Variants in CLTCL1 observed in about 807,000 individuals in gnomAD.
CLTCL1 encodes the protein clathrin heavy chain like 1.
A neutral mutation model predicts 190.0 loss-of-function variants in CLTCL1; 159 were observed. The observed-to-expected ratio is 0.84, with a 90% CI of 0.74 to 0.95. CLTCL1 has a LOEUF of 0.95. CLTCL1 is among the 40% of genes least tolerant of loss of function. CLTCL1 has a pLI of 0.00. For missense variants in CLTCL1, 1,878 were observed against 2,033.4 expected (o/e 0.92, Z 1.47); for synonymous variants, 752 against 769.6 (o/e 0.98, Z 0.38).
chr22:19,290,472 A>G (rs1013869193), intron 1 of CLTCL1, among the ~76,000 whole-genome samples: 3 of 152,316 alleles, frequency 2.0e-5, no homozygotes, highest in African/African-American at 7.2e-5. Flanking sequence ...TGCTACCTCA[A>G]CATGACTGGT....
At chr22:19,283,344 A>G (rs782665122) in intron 1 of CLTCL1, among the ~76,000 whole-genome samples, 2 of 151,342 alleles carry the variant, frequency 1.3e-5, no homozygotes, top group Non-Finnish European at 2.9e-5. Flanking sequence ...GCAGTGGTGC[A>G]ATCTTGGCTT....
intron 1 of CLTCL1, among the ~76,000 whole-genome samples, chr22:19,286,469 A>G (rs2087910514): frequency 6.6e-6 from 1 of 152,214 alleles, no homozygotes; most frequent in Admixed American, 6.5e-5. Context: ...TTAGGATGCA[A>G]TGAGCCAACT....
Position 19,212,039 on chromosome 22 carries a change from C to T in CLTCL1, c.3066-1530G>A, listed in dbSNP as rs545646792. Among the ~76,000 whole-genome samples the T allele has an allele frequency of 5.3e-5, 8 of 151,960 alleles. No individual in the cohort carries two copies. In the South Asian group the frequency reaches 1.7e-3, roughly 32 times the overall value. On this transcript the variant is annotated intron_variant, in intron 19 of 32. Transcript: ENST00000427926. ...ATAAAATCTACATATGACCTATATG[C>T]CAAAAACTATAAACTGCTGATGAAA...
chr22:19,215,590 C>A (rs1555949036), intron 19 of CLTCL1, among the ~76,000 whole-genome samples: 1 of 152,194 alleles, frequency 6.6e-6, no homozygotes, highest in East Asian at 1.9e-4. Context: ...GCACTCTCAC[C>A]TCTATAGTGC....
intron 1 of CLTCL1, 130 bp downstream of exon 1, chr22:19,291,470 G>A (rs1664927253): frequency 1.2e-6 from 1 of 862,080 alleles, no homozygotes; most frequent in Non-Finnish European, 1.5e-6. Flanking sequence ...CAGCCCAGGT[G>A]GGAGGTCGGA....
chr22:19,257,932 G>A lies in CLTCL1; in HGVS notation c.251-3705C>T, dbSNP rs569558169. 2.5e-4 allele frequency: 276 copies of A among 1,112,276 alleles called. 2 individuals carry two copies. The South Asian group carries it at 3.1e-3, about 12-fold the overall frequency. The allele number at this position is 1,112,276 out of a possible 1,614,324, so 68.9% of individuals were successfully genotyped here. A position where few individuals can be genotyped will look rare whatever the true frequency, so the allele number is the denominator to read the frequency against. Reference sequence around the variant, plus strand: ...ACTTCAAGACCACTGAGAAGCTGATGGCTCAGATCTTTGCAAATTCTGTGG... The same window carrying A: ...ACTTCAAGACCACTGAGAAGCTGATAGCTCAGATCTTTGCAAATTCTGTGG... On this transcript the variant is annotated intron_variant, in intron 2 of 32. Coordinates refer to ENST00000427926, the MANE Select transcript of CLTCL1 (RefSeq NM_007098.4).
chr22:19,244,102 G>A (rs2145973599), intron 3 of CLTCL1, among the ~76,000 whole-genome samples: 1 of 152,296 alleles, frequency 6.6e-6, no homozygotes, highest in Admixed American at 6.5e-5. Context: ...TCAAGCTCCT[G>A]TAATTAAACA....
chr22:19,280,398 C>A (rs1190549366), intron 1 of CLTCL1, among the ~76,000 whole-genome samples: 2 of 151,606 alleles, frequency 1.3e-5, no homozygotes, highest in African/African-American at 2.4e-5. Context: ...TAGTGTATAT[C>A]AATGGATGAA....
chr22:19,221,968 T>G lies in CLTCL1; in HGVS notation c.2544A>C (p.Glu848Asp). Reference protein sequence around the residue: ...GQFSTDELVAEVEKRNRLKLL... With the variant: ...GQFSTDELVADVEKRNRLKLL... ...CACCTTACCTATTTCTTTTTTCTAC[T>G]TCAGCCACCAACTCATCAGTAGAGA... is the stretch of plus-strand genomic sequence containing the variant. Residue 848 changes from glutamate (E) to aspartate (D), a missense_variant, in exon 16 of 33, where the codon GAA (glutamate) becomes GAC (aspartate). Glu to Asp is a conservative substitution (Grantham distance 45). Transcript: ENST00000427926. The G allele has an allele frequency of 1.2e-6, 2 of 1,613,956 alleles. No individual in the cohort carries two copies. Among genetic ancestry groups the G allele is most frequent in the Non-Finnish European group, 1.7e-6 (2 of 1,179,870 alleles).
chr22:19,190,450 C>T (rs1457520462), intron 27 of CLTCL1, among the ~76,000 whole-genome samples: 1 of 152,012 alleles, frequency 6.6e-6, no homozygotes, highest in African/African-American at 2.4e-5. Context: ...TCAAAGATTG[C>T]TGGTTGTGTG....
At chr22:19,242,561 T>TG (rs34428027) in intron 4 of CLTCL1, among the ~76,000 whole-genome samples, 10,838 of 152,132 alleles carry the variant, frequency 0.071, 470 homozygotes, top group Middle Eastern at 0.17. Flanking sequence ...CCCAAAGTGT[T>TG]GGATTACAGG....
intron 7 of CLTCL1, 50 bp downstream of exon 7, chr22:19,234,459 G>A (rs1555960821): frequency 1.4e-6 from 2 of 1,445,116 alleles, no homozygotes; most frequent in South Asian, 1.3e-5. Flanking sequence ...TTCCTCTCAA[G>A]GTTGGTTCTT....
intron 30 of CLTCL1, 85 bp downstream of exon 30, chr22:19,183,305 C>T (rs2084201433): frequency 8.0e-7 from 1 of 1,249,650 alleles, no homozygotes. Flanking sequence ...AAGGGGCCCA[C>T]CCTTAAGACC....
intron 20 of CLTCL1, 60 bp downstream of exon 20, chr22:19,210,266 G>A: frequency 6.5e-7 from 1 of 1,533,406 alleles, no homozygotes; most frequent in Non-Finnish European, 8.9e-7. Context: ...GGGCTTGCAG[G>A]GCGCACTCAT....
At chr22:19,184,473 C>T (rs782555160) in intron 29 of CLTCL1, 6 of 456,024 alleles carry the variant, frequency 1.3e-5, no homozygotes, top group South Asian at 3.1e-5. Flanking sequence ...GAGCTGGCTC[C>T]GGAAAGAAGT....
chr22:19,206,438 G>T (rs1030304570), intron 22 of CLTCL1, among the ~76,000 whole-genome samples: 7 of 152,048 alleles, frequency 4.6e-5, no homozygotes, highest in African/African-American at 1.2e-4. Flanking sequence ...AGAGATGGGG[G>T]TCTCACTATG....
At chr22:19,194,018 C>T (rs1166390636) in intron 26 of CLTCL1, among the ~76,000 whole-genome samples, 8 of 152,334 alleles carry the variant, frequency 5.3e-5, no homozygotes, top group Admixed American at 5.2e-4. Context: ...TTGGCCCCAC[C>T]CACATCCTGC....
Position 19,273,166 on chromosome 22 carries a change from T to C in CLTCL1, c.250+2457A>G, listed in dbSNP as rs189922891. Among the ~76,000 whole-genome samples the C allele has an allele frequency of 3.9e-5, 6 of 152,294 alleles. No homozygotes were observed. The East Asian group carries it at 7.7e-4, about 20-fold the overall frequency. On this transcript the variant is annotated intron_variant, in intron 2 of 32. Coordinates refer to ENST00000427926, the MANE Select transcript of CLTCL1 (RefSeq NM_007098.4). The stretch of plus-strand genomic sequence containing the variant: ...AATCATCTCCATCAACCAATCACTA[T>C]ACAAACAACTCTTTCTTCAAAGACA...
At chr22:19,249,764 T>A (rs905577483) in intron 3 of CLTCL1, 18 of 228,568 alleles carry the variant, frequency 7.9e-5, no homozygotes, top group Middle Eastern at 1.8e-3. Flanking sequence ...ATGGTATGGC[T>A]AGGTTTTGAT....
Sources: gnomAD v4.1 joint callset for allele counts (sites outside exome capture counted in the v4.1 genomes callset) on GRCh38, gnomAD v4.1.1 for gene constraint, MANE v1.5 for transcripts, NCBI Gene and HGNC (gene_info 2026-07-23, HGNC 2026-07-21) for gene names.